TP53I13: variants seen among roughly 807,000 people sequenced by gnomAD.
The protein encoded by TP53I13 is tumor protein p53-inducible protein 13.
TP53I13 carries 27 observed loss-of-function variants against 39.1 expected under a neutral mutation model. That is an observed-to-expected ratio of 0.69 (90% CI 0.51 to 0.95). The LOEUF (loss-of-function observed/expected upper bound fraction) is 0.95, where lower values mean the gene tolerates loss of function less well. TP53I13 is among the 40% of genes least tolerant of loss of function. TP53I13 has a pLI of 0.00. For missense variants in TP53I13, 544 were observed against 520.4 expected, an observed-to-expected ratio of 1.05 and a Z score of -0.44; for synonymous variants, 230 against 224.6, an observed-to-expected ratio of 1.02 and a Z score of -0.22.
chr17:29,578,400 T>G, the TP53I13 span: 1 of 1,605,452 alleles, frequency 6.2e-7, no homozygotes, highest in South Asian at 1.1e-5. Context: ...CCAGATGTTG[T>G]CAGATGCATC....
chr17:29,574,931 T>G (rs773982835), downstream of TP53I13: 8 of 1,546,946 alleles, frequency 5.2e-6, no homozygotes, highest in Non-Finnish European at 7.0e-6. Flanking sequence ...GGGGCAGGAG[T>G]GAGGCTGGAC....
At chr17:29,576,576 C>T, downstream of TP53I13, 1 of 1,614,090 alleles carries the variant, frequency 6.2e-7, no homozygotes, top group South Asian at 1.1e-5. Context: ...CCTTCATGAG[C>T]TGCTGCACCT....
downstream of TP53I13, chr17:29,577,193 C>T: frequency 1.9e-6 from 3 of 1,613,962 alleles, no homozygotes; most frequent in Non-Finnish European, 1.7e-6. Flanking sequence ...CTGAGAATGT[C>T]GATGATCAAG....
chr17:29,569,086 G>A lies in TP53I13; in HGVS notation c.141G>A (p.Gln47=). ...AGAGCCTGTGGCCTCTGCCTCCGCA[G>A]GTAGGAGCCCTGGAGGGCCCAGGGA... ...CPESLWPLPP[Q]VSPRVTYTRV... is the part of the protein sequence containing the mutation. The change falls in exon 2 of 7, where the codon CAG becomes CAA. Residue 47 remains glutamine, a splice_region_variant and synonymous_variant. Transcript: ENST00000301057. The A allele has an allele frequency of 2.5e-6, 4 of 1,592,798 alleles. No individual in the cohort carries two copies. Among genetic ancestry groups the A allele is most frequent in the Non-Finnish European group, 3.4e-6 (4 of 1,170,090 alleles).
At chr17:29,575,104 G>A (rs1383937496), downstream of TP53I13, 10 of 1,600,394 alleles carry the variant, frequency 6.2e-6, 1 homozygote, top group Non-Finnish European at 8.5e-6. The surrounding 1 kb of genome is among the most constrained non-coding windows in gnomAD (Gnocchi z 5.5). Context: ...GGCCATCTCG[G>A]TCACAGCCAA....
Position 29,572,247 on chromosome 17 carries a change from C to T in TP53I13, c.619C>T (p.Leu207=). The change falls in exon 6 of 7, where the codon CTG becomes TTG. Residue 207 remains leucine (L), a synonymous_variant. Coordinates refer to ENST00000301057, the MANE Select transcript of TP53I13 (RefSeq NM_138349.4). ...TTCTAGTGGTGCCAAGAGGCGGAGGCTGCGGGCTGCCCTTGGTCCCCAGCC... is the reference window on the plus strand; with the variant it reads ...TTCTAGTGGTGCCAAGAGGCGGAGGTTGCGGGCTGCCCTTGGTCCCCAGCC... The part of the protein sequence containing the change: ...PSSSGAKRRR[L]RAALGPQPTR... The T allele has an allele frequency of 6.2e-7, 1 of 1,612,644 alleles. No homozygotes were observed. Among genetic ancestry groups the T allele is most frequent in the South Asian group, 1.1e-5 (1 of 91,080 alleles).
upstream of TP53I13, chr17:29,566,811 G>A: frequency 6.6e-7 from 1 of 1,514,708 alleles, no homozygotes. Flanking sequence ...CCGGGCCTCC[G>A]CCGTCCGCCT....
chr17:29,566,661 G>C (rs1214909807), upstream of TP53I13: 1 of 1,601,426 alleles, frequency 6.2e-7, no homozygotes. Flanking sequence ...GGTGGGGCCC[G>C]GAGAACCAGG....
At chr17:29,574,556 C>A, downstream of TP53I13, 1 of 752,882 alleles carries the variant, frequency 1.3e-6, no homozygotes, top group Non-Finnish European at 2.3e-6. Context: ...GGGGTGGGCA[C>A]CAGGGCACCT....
chr17:29,581,338 C>T, the TP53I13 span: 4 of 1,611,120 alleles, frequency 2.5e-6, no homozygotes, highest in Non-Finnish European at 3.4e-6. The surrounding 1 kb of genome is among the most constrained non-coding windows in gnomAD (Gnocchi z 4.8). Flanking sequence ...GGGCACTCAC[C>T]TGTCAGCCAT....
chr17:29,577,750 G>A (rs764841797), downstream of TP53I13: 25 of 1,570,450 alleles, frequency 1.6e-5, no homozygotes, highest in South Asian at 2.7e-4. Flanking sequence ...ACACTGTAGG[G>A]GACGGACAGG....
At chr17:29,575,094 G>A (rs776806033), downstream of TP53I13, 8 of 1,598,860 alleles carry the variant, frequency 5.0e-6, no homozygotes, top group Non-Finnish European at 6.8e-6. The surrounding 1 kb of genome is among the most constrained non-coding windows in gnomAD (Gnocchi z 5.5). Context: ...GGAAGAGGGA[G>A]GCCATCTCGG....
downstream of TP53I13, chr17:29,577,376 T>G (rs2033247013): frequency 1.3e-6 from 1 of 761,138 alleles, no homozygotes; most frequent in African/African-American, 1.7e-5. Flanking sequence ...CCAGCCTAGC[T>G]TCACCTGGCT....
chr17:29,577,987 A>G (rs1293427325), downstream of TP53I13, among the ~76,000 whole-genome samples: 1 of 152,246 alleles, frequency 6.6e-6, no homozygotes, highest in Non-Finnish European at 1.5e-5. Context: ...TTGGGCTGGA[A>G]TCCGGCTGTG....
chr17:29,581,987 A>G, the TP53I13 span: 4 of 1,612,548 alleles, frequency 2.5e-6, no homozygotes, highest in East Asian at 8.9e-5. The surrounding 1 kb of genome is among the most constrained non-coding windows in gnomAD (Gnocchi z 4.8). Context: ...AGCCCCATAC[A>G]CTACAAGCAG....
At chr17:29,572,109 C>T (rs1379573598) in intron 5 of TP53I13, 33 bp from the exon 6 acceptor site, 1 of 1,610,556 alleles carries the variant, frequency 6.2e-7, no homozygotes, top group African/African-American at 1.3e-5. Flanking sequence ...CTGAGAGGGG[C>T]AGCAGGGTGA....
At chr17:29,578,951 G>C in the TP53I13 span, 2 of 1,613,394 alleles carry the variant, frequency 1.2e-6, no homozygotes, top group Non-Finnish European at 8.5e-7. Flanking sequence ...GCCCCGGCAG[G>C]CACCATATAC....
At chr17:29,577,100 G>A (rs370437304), downstream of TP53I13, 16 of 1,605,786 alleles carry the variant, frequency 1.0e-5, no homozygotes, top group African/African-American at 6.7e-5. Context: ...CTGGAGCCCC[G>A]CCTGCTTCCC....
the TP53I13 span, among the ~76,000 whole-genome samples, chr17:29,580,766 GTTTCTT>G: frequency 3.3e-5 from 5 of 151,040 alleles, no homozygotes; most frequent in Non-Finnish European, 7.4e-5. Context: ...GGTAGCTTCT[GTTTCTT>G]TTTCTTTTTT....
Sources: gnomAD v4.1 joint callset for allele counts (sites outside exome capture counted in the v4.1 genomes callset) on GRCh38, gnomAD v4.1.1 for gene constraint, Gnocchi (gnomAD v3.1) non-coding constraint, MANE v1.5 for transcripts, NCBI Gene and HGNC (gene_info 2026-07-23, HGNC 2026-07-21) for gene names.